The following HYAL4 variants were observed in gnomAD, a reference collection of about 807,000 sequenced individuals.
The protein encoded by HYAL4 is hyaluronidase 4, also known as hyaluronidase-4.
Under a neutral mutation model 35.2 loss-of-function variants are expected in HYAL4, and 37 were observed. The ratio of observed to expected loss-of-function variants is 1.05; its 90% CI spans 0.81 to 1.38. HYAL4 has a LOEUF of 1.38. HYAL4 is among the 40% of genes most tolerant of loss of function. The probability of loss-of-function intolerance (pLI) is 0.00; values close to 1 mark genes in which losing one functional copy is unlikely to be tolerated. For missense variants in HYAL4, 572 were observed against 572.4 expected, an observed-to-expected ratio of 1.00 and a Z score of 0.01; for synonymous variants, 198 against 203.2, an observed-to-expected ratio of 0.97 and a Z score of 0.22.
the HYAL4 span, among the ~76,000 whole-genome samples, chr7:123,786,482 C>G: frequency 3.3e-5 from 5 of 152,112 alleles, 1 homozygote; most frequent in Admixed American, 3.3e-4. Flanking sequence ...CAGGGAATTA[C>G]AATGACTCCT....
chr7:123,867,525 T>C (rs188645728), intron 2 of HYAL4, among the ~76,000 whole-genome samples: 2 of 152,260 alleles, frequency 1.3e-5, no homozygotes, highest in Non-Finnish European at 1.5e-5. Context: ...AATATAACTT[T>C]CTTAAGTTTT....
chr7:123,851,438 T>C (rs1012060768), intron 2 of HYAL4, among the ~76,000 whole-genome samples: 1 of 152,128 alleles, frequency 6.6e-6, no homozygotes, highest in African/African-American at 2.4e-5. Flanking sequence ...TTCCCCTCCC[T>C]GTGTCCATGT....
intron 1 of HYAL4, 108 bp downstream of exon 1, chr7:123,845,793 A>T (rs1198809966): frequency 2.6e-5 from 4 of 152,204 alleles, no homozygotes; most frequent in African/African-American, 9.6e-5. Flanking sequence ...TGTCAGAGGG[A>T]TGGTATAGGG....
At chr7:123,843,471 T>A (rs1306182733), upstream of HYAL4, among the ~76,000 whole-genome samples, 1 of 151,998 alleles carries the variant, frequency 6.6e-6, no homozygotes, top group Admixed American at 6.6e-5. Context: ...CTGACAATTA[T>A]GTGTCTTGGG....
In HYAL4 at chr7:123,868,655, G is replaced by T. The variant is rs367758877; in HGVS notation, c.382G>T (p.Asp128Tyr). Reference protein sequence around the residue: ...LQVHLEKADQDINYYIPAEDF... With the variant: ...LQVHLEKADQYINYYIPAEDF... ...AGTACATCTGGAAAAAGCTGACCAAGATATTAATTATTACATCCCTGCTGA... is the reference window on the plus strand; with the variant it reads ...AGTACATCTGGAAAAAGCTGACCAATATATTAATTATTACATCCCTGCTGA... Residue 128 changes from aspartate to tyrosine, a missense_variant, in exon 3 of 5, where the codon GAT becomes TAT. By Grantham distance (160) the Asp-to-Tyr change is radical. Transcript: ENST00000223026. The T allele has an allele frequency of 2.4e-5, 38 of 1,613,606 alleles. No homozygotes were observed. The highest frequency in any genetic ancestry group is 2.9e-5 in the Non-Finnish European group (34 of 1,179,950).
the HYAL4 span, among the ~76,000 whole-genome samples, chr7:123,768,141 ATAAG>A: frequency 8.5e-5 from 13 of 152,168 alleles, no homozygotes; most frequent in Non-Finnish European, 7.4e-5. Flanking sequence ...GAATAGGAAA[ATAAG>A]TAATCTCATA....
At chr7:123,787,441 T>C in the HYAL4 span, among the ~76,000 whole-genome samples, 2 of 152,190 alleles carry the variant, frequency 1.3e-5, no homozygotes, top group Non-Finnish European at 2.9e-5. Flanking sequence ...GCTGCCCTGC[T>C]TCTTGTGAAG....
At chr7:123,831,515 C>T (rs1046529320) in intron 1 of HYAL4, among the ~76,000 whole-genome samples, 1 of 152,124 alleles carries the variant, frequency 6.6e-6, no homozygotes, top group Admixed American at 6.6e-5. Context: ...CTTCTTAAAT[C>T]TCTCTGAGGC....
the HYAL4 span, among the ~76,000 whole-genome samples, chr7:123,819,655 G>A: frequency 6.6e-6 from 1 of 152,048 alleles, no homozygotes; most frequent in South Asian, 2.1e-4. Flanking sequence ...ACAGCTAAGT[G>A]AGAAACTGAT....
intron 2 of HYAL4, among the ~76,000 whole-genome samples, chr7:123,861,351 C>G (rs1806571840): frequency 6.6e-6 from 1 of 152,146 alleles, no homozygotes; most frequent in African/African-American, 2.4e-5. Flanking sequence ...AGTTCAACAA[C>G]TTTAATTAAA....
the HYAL4 span, among the ~76,000 whole-genome samples, chr7:123,791,452 A>G: frequency 2.0e-5 from 3 of 152,348 alleles, no homozygotes; most frequent in East Asian, 5.8e-4. Flanking sequence ...TTCTAAATAA[A>G]GCCATCTCCA....
chr7:123,860,204 G>A (rs1806546544), intron 2 of HYAL4, among the ~76,000 whole-genome samples: 1 of 152,140 alleles, frequency 6.6e-6, no homozygotes, highest in Non-Finnish European at 1.5e-5. Context: ...CTTCTGCCAT[G>A]ATTGTAAGTT....
chr7:123,784,192 C>T, the HYAL4 span, among the ~76,000 whole-genome samples: 1 of 152,132 alleles, frequency 6.6e-6, no homozygotes, highest in Non-Finnish European at 1.5e-5. Flanking sequence ...TCCTTAATTT[C>T]AGTATATTTG....
chr7:123,780,176 G>C, the HYAL4 span, among the ~76,000 whole-genome samples: 1 of 152,154 alleles, frequency 6.6e-6, no homozygotes, highest in Non-Finnish European at 1.5e-5. Context: ...TTTGTGCTAA[G>C]TCATACTATA....
the HYAL4 span, among the ~76,000 whole-genome samples, chr7:123,779,491 A>G: frequency 3.0e-5 from 4 of 132,944 alleles, no homozygotes; most frequent in African/African-American, 1.0e-4. Flanking sequence ...GTGAAATAAT[A>G]TGATGTCTGA....
the HYAL4 span, among the ~76,000 whole-genome samples, chr7:123,818,043 A>C: frequency 6.6e-6 from 1 of 151,216 alleles, no homozygotes; most frequent in Non-Finnish European, 1.5e-5. Context: ...ATGCCTGGCT[A>C]TTTTTGTATT....
intron 2 of HYAL4, among the ~76,000 whole-genome samples, chr7:123,860,080 A>G (rs992298797): frequency 6.6e-6 from 1 of 152,168 alleles, no homozygotes; most frequent in African/African-American, 2.4e-5. Context: ...TGTTCTCCTG[A>G]TAATGCATGA....
upstream of HYAL4, among the ~76,000 whole-genome samples, chr7:123,827,435 C>T (rs377413525): frequency 3.9e-5 from 6 of 152,062 alleles, no homozygotes; most frequent in East Asian, 1.9e-4. Context: ...GTTGCTTTTT[C>T]GTCCTTCCTC....
Position 123,877,337 on chromosome 7 carries a change from A to G in HYAL4, c.*182A>G, listed in dbSNP as rs1807055809. On this transcript the variant is annotated 3_prime_UTR_variant, in exon 5 of 5. Transcript: ENST00000223026. ...TTGCCTCCAGTCTGGCTAGGAAACC[A>G]GATCTGGGGTAAAGTCAATGTACAC... 1 of 593,836 alleles carries G rather than the reference A, an allele frequency of 1.7e-6. No homozygotes were observed. The highest frequency in any genetic ancestry group is 2.8e-6 in the Non-Finnish European group (1 of 351,546). The allele number at this position is 593,836 out of a possible 1,614,324, so 36.8% of individuals were successfully genotyped here. A position where few individuals can be genotyped will look rare whatever the true frequency, so the allele number is the denominator to read the frequency against.
Sources: allele counts gnomAD v4.1 joint callset (sites outside exome capture counted in the v4.1 genomes callset), GRCh38; gene constraint gnomAD v4.1.1; transcripts MANE v1.5; gene names NCBI Gene and HGNC (gene_info 2026-07-23, HGNC 2026-07-21).